The following OTOA variants were observed in gnomAD, a reference collection of about 807,000 sequenced individuals.
OTOA encodes otoancorin.
A neutral mutation model predicts 110.8 loss-of-function variants in OTOA; 70 were observed. That is an observed-to-expected ratio of 0.63 (90% confidence interval 0.52 to 0.77). OTOA has a LOEUF of 0.77. Ranked by LOEUF, OTOA falls within the 30% of genes least tolerant of loss-of-function variation. OTOA has a pLI of 0.00. For missense variants in OTOA, 917 were observed against 1,075.8 expected (o/e 0.85, Z 2.06); for synonymous variants, 373 against 431.5 (o/e 0.86, Z 1.68).
intron 1 of OTOA, among the ~76,000 whole-genome samples, chr16:21,673,931 G>A (rs1966852633): frequency 6.6e-6 from 1 of 152,040 alleles, no homozygotes; most frequent in African/African-American, 2.4e-5. Context: ...CCAAGTAGCT[G>A]GGACTACAGG....
At chr16:21,720,323 A>G (rs1343513724) in intron 17 of OTOA, among the ~76,000 whole-genome samples, 3 of 152,132 alleles carry the variant, frequency 2.0e-5, no homozygotes, top group Admixed American at 6.5e-5. Context: ...TTTGGTGTGA[A>G]CCGCTGGCTT....
chr16:21,719,176 C>G lies in OTOA; in HGVS notation c.1673C>G (p.Pro558Arg), dbSNP rs1462347773. The G allele has an allele frequency of 1.9e-6, 3 of 1,614,080 alleles. No individual in the cohort carries two copies. In the East Asian group the frequency reaches 6.7e-5, roughly 36 times the overall value. ...CTTCTGTTAAAGACCACCAGAAGGCCTGAGGAGCTTTTGAGGTAGGAAAAT... is the reference window on the plus strand; with the variant it reads ...CTTCTGTTAAAGACCACCAGAAGGCGTGAGGAGCTTTTGAGGTAGGAAAAT... Reference protein sequence around the residue: ...YELLLKTTRRPEELLSAGQLV... With the variant: ...YELLLKTTRRREELLSAGQLV... The change falls in exon 16 of 29, where the codon CCT (proline) becomes CGT (arginine). Residue 558 changes from proline to arginine, a missense_variant. Pro to Arg is a moderately radical substitution (Grantham distance 103). Around this residue, in one of 6 missense-constraint regions of OTOA, gnomAD observed 840 missense variants for 910.2 expected, o/e 0.92. Transcript: ENST00000646100.
intron 27 of OTOA, among the ~76,000 whole-genome samples, chr16:21,756,799 A>G (rs574740562): frequency 1.3e-5 from 2 of 151,046 alleles, no homozygotes; most frequent in African/African-American, 4.9e-5. Flanking sequence ...AGGATTCAAC[A>G]ATATTGTTTT....
chr16:21,744,426 T>C (rs1168073044), intron 23 of OTOA, among the ~76,000 whole-genome samples: 1 of 146,434 alleles, frequency 6.8e-6, no homozygotes, highest in African/African-American at 2.5e-5. Context: ...AGATTCCAAG[T>C]GTGAGCCACC....
At chr16:21,696,336 G>A (rs1029463357) in intron 9 of OTOA, among the ~76,000 whole-genome samples, 1 of 152,104 alleles carries the variant, frequency 6.6e-6, no homozygotes, top group Admixed American at 6.6e-5. Context: ...GGCTTTAAGG[G>A]AGAGGAAAAT....
At chr16:21,697,448 C>G (rs562120898) in intron 9 of OTOA, among the ~76,000 whole-genome samples, 1 of 152,112 alleles carries the variant, frequency 6.6e-6, no homozygotes, top group South Asian at 2.1e-4. Context: ...GCCTGACCAA[C>G]ATGGTGAAAC....
chr16:21,683,221 G>A (rs1272508252), intron 6 of OTOA, among the ~76,000 whole-genome samples: 1 of 152,152 alleles, frequency 6.6e-6, no homozygotes, highest in African/African-American at 2.4e-5. Flanking sequence ...ATTCACCTTG[G>A]TCAAGATAGA....
In OTOA at chr16:21,703,249, A is replaced by G. The variant is rs1156232058; in HGVS notation, c.981-1920A>G. Among the ~76,000 whole-genome samples the G allele has an allele frequency of 2.6e-5, 4 of 152,134 alleles. No homozygotes were observed. The East Asian group carries it at 7.7e-4, about 29-fold the overall frequency. ...AACTGAAACATTGTGTCCTTTGTCCAAGTCTCTCCAACTCCCTTCCCACCT... is the reference window on the plus strand; with the variant it reads ...AACTGAAACATTGTGTCCTTTGTCCGAGTCTCTCCAACTCCCTTCCCACCT... On this transcript the variant is annotated intron_variant, in intron 11 of 28. Transcript: ENST00000646100.
chr16:21,746,744 G>GTGT (rs1344730533), intron 24 of OTOA, among the ~76,000 whole-genome samples: 35 of 146,994 alleles, frequency 2.4e-4, no homozygotes, highest in Non-Finnish European at 6.0e-5. Context: ...GAGAATAAAC[G>GTGT]TGTAGTTTTA....
chr16:21,721,989 C>G (rs1246824194), intron 17 of OTOA, among the ~76,000 whole-genome samples: 2 of 150,244 alleles, frequency 1.3e-5, no homozygotes, highest in Non-Finnish European at 2.9e-5. Context: ...TTTAGGAGGC[C>G]GAGATGGGTG....
In OTOA at chr16:21,684,747, ATTATTATTATTATTATTATTT is replaced by A. The variant is rs987040310; in HGVS notation, c.268-480_268-460del. 8.3e-4 allele frequency among the ~76,000 whole-genome samples: 62 copies of A among 74,448 alleles called. No homozygotes were observed. The South Asian group carries it at 0.023, about 28-fold the overall frequency. 48.8% of individuals were successfully genotyped at this position (74,448 alleles called of 152,430 possible). A position where few individuals can be genotyped will look rare whatever the true frequency, so the allele number is the denominator to read the frequency against. On this transcript the variant is annotated intron_variant, in intron 6 of 28. Transcript: ENST00000646100. ...TATTATTATTATTATTATTATTATTATTATTATTATTATTATTATTTTTTAGGTGGAGTCTCGCTCTGTCAC... is the reference window on the plus strand; with the variant it reads ...TATTATTATTATTATTATTATTATTATTTAGGTGGAGTCTCGCTCTGTCAC...
rs1049996706 is a variant in OTOA, at chr16:21,664,166, C to T, written c.-71C>T. The T allele has an allele frequency of 1.3e-5, 2 of 152,242 alleles. No homozygotes were observed. Among genetic ancestry groups the T allele is most frequent in the Admixed American group, 6.5e-5 (1 of 15,268 alleles). The allele number at this position is 152,242 out of a possible 1,614,324, so 9.4% of individuals were successfully genotyped here. A position where few individuals can be genotyped will look rare whatever the true frequency, so the allele number is the denominator to read the frequency against. On this transcript the variant is annotated 5_prime_UTR_variant, in exon 1 of 29. Transcript: ENST00000646100. Reference sequence around the variant, plus strand: ...CTGCCTGCCCGCTCCCCGCATGAGCCCCGCGGCCCCGCCCTGCGCCACCCG... The same window carrying T: ...CTGCCTGCCCGCTCCCCGCATGAGCTCCGCGGCCCCGCCCTGCGCCACCCG...
At chr16:21,698,601 G>A (rs187857786) in intron 10 of OTOA, among the ~76,000 whole-genome samples, 41 of 152,210 alleles carry the variant, frequency 2.7e-4, no homozygotes, top group Non-Finnish European at 5.1e-4. Context: ...TGAGAGAAGT[G>A]TTTGCATCAA....
At chr16:21,683,822 G>A (rs1283264415) in intron 6 of OTOA, among the ~76,000 whole-genome samples, 2 of 150,592 alleles carry the variant, frequency 1.3e-5, no homozygotes, top group African/African-American at 4.9e-5. Flanking sequence ...AGGCTGGAGT[G>A]CAGTGGTGCC....
intron 9 of OTOA, among the ~76,000 whole-genome samples, chr16:21,695,331 A>G (rs1462058167): frequency 6.6e-6 from 1 of 150,476 alleles, no homozygotes; most frequent in African/African-American, 2.4e-5. Context: ...GGCTTCAGTG[A>G]GCTATGATCA....
In OTOA at chr16:21,687,430, C is replaced by T; in HGVS notation, c.417C>T (p.Ile139=). The change falls in exon 8 of 29, where the codon ATC becomes ATT. Residue 139 remains isoleucine, a synonymous_variant. Coordinates refer to ENST00000646100, the MANE Select transcript of OTOA (RefSeq NM_144672.4). ...KKDGLDLKDI[I]IDLGEIRERA... ...TGCTTTAGGACCTGAAAGACATCAT[C>T]ATCGACTTAGGAGAGATTCGAGAAC... 1 of 1,614,044 alleles carries T rather than the reference C, an allele frequency of 6.2e-7. No homozygotes were observed. Among genetic ancestry groups the T allele is most frequent in the Non-Finnish European group, 8.5e-7 (1 of 1,179,994 alleles).
intron 13 of OTOA, among the ~76,000 whole-genome samples, chr16:21,713,212 G>A (rs988159526): frequency 1.8e-4 from 28 of 152,134 alleles, no homozygotes; most frequent in African/African-American, 6.3e-4. Flanking sequence ...CAATCTACTC[G>A]CCTTGGCCTC....
intron 1 of OTOA, among the ~76,000 whole-genome samples, chr16:21,668,946 G>A (rs1287335390): frequency 3.9e-5 from 6 of 152,000 alleles, no homozygotes; most frequent in Non-Finnish European, 5.9e-5. Flanking sequence ...TCTACTCAAC[G>A]TCTTGGCAAT....
At chr16:21,707,630 TTTC>T (rs1898217029) in intron 12 of OTOA, among the ~76,000 whole-genome samples, 1 of 109,188 alleles carries the variant, frequency 9.2e-6, no homozygotes, top group Non-Finnish European at 2.2e-5. Context: ...TCTTTCTTTC[TTTC>T]TTTCTTTCTT....
Sources: allele counts gnomAD v4.1 joint callset (sites outside exome capture counted in the v4.1 genomes callset), GRCh38; gene constraint gnomAD v4.1.1; regional missense constraint gnomAD v4.1.1; transcripts MANE v1.5; gene names NCBI Gene and HGNC (gene_info 2026-07-23, HGNC 2026-07-21).